The following EXOC4 variants were observed in gnomAD, a reference collection of about 807,000 sequenced individuals.
EXOC4 encodes SEC8-like 1.
In EXOC4, 71 loss-of-function variants were observed where a neutral mutation model predicts 107.2. That is an observed-to-expected ratio of 0.66 (90% CI 0.55 to 0.81). The LOEUF (loss-of-function observed/expected upper bound fraction) is 0.81, where lower values mean the gene tolerates loss of function less well. Among genes scored for constraint, EXOC4 ranks in the 30% least tolerant of loss-of-function variants. The pLI is 0.00. For missense variants in EXOC4, 1,108 were observed against 1,189.6 expected (o/e 0.93, Z 1.01); for synonymous variants, 456 against 441.2 (o/e 1.03, Z -0.42).
intron 11 of EXOC4, among the ~76,000 whole-genome samples, chr7:133,855,640 G>A (rs1798358862): frequency 6.6e-6 from 1 of 152,140 alleles, no homozygotes; most frequent in Non-Finnish European, 1.5e-5. Flanking sequence ...GAAAAACATA[G>A]TGTGTACCTT....
At chr7:133,929,177 C>T (rs893650932) in intron 13 of EXOC4, among the ~76,000 whole-genome samples, 4 of 151,986 alleles carry the variant, frequency 2.6e-5, no homozygotes, top group East Asian at 3.9e-4. Context: ...GTGATCTATT[C>T]GCCTTGGCCT....
At chr7:133,357,850 G>T (rs956762482) in intron 6 of EXOC4, among the ~76,000 whole-genome samples, 1 of 152,100 alleles carries the variant, frequency 6.6e-6, no homozygotes, top group African/African-American at 2.4e-5. Flanking sequence ...TATGTTTGGT[G>T]AATGGAACTA....
intron 10 of EXOC4, among the ~76,000 whole-genome samples, chr7:133,679,408 T>A (rs749818425): frequency 3.3e-5 from 5 of 152,176 alleles, no homozygotes; most frequent in Admixed American, 6.5e-5. Flanking sequence ...ACCTCCTCCC[T>A]CCATGATGTT....
chr7:133,797,041 T>C (rs1796832119), intron 10 of EXOC4, among the ~76,000 whole-genome samples: 1 of 152,318 alleles, frequency 6.6e-6, no homozygotes, highest in East Asian at 1.9e-4. Context: ...ACTAATCTGA[T>C]GATGTCTGTT....
intron 1 of EXOC4, 145 bp downstream of exon 1, chr7:133,253,332 C>T (rs1794936952): frequency 7.1e-7 from 1 of 1,409,076 alleles, no homozygotes. Context: ...TCTAACCCCT[C>T]CCCAGGGCCC....
At chr7:133,686,666 G>T (rs1019701829) in intron 10 of EXOC4, among the ~76,000 whole-genome samples, 1 of 152,002 alleles carries the variant, frequency 6.6e-6, no homozygotes, top group African/African-American at 2.4e-5. Context: ...ACCACAATGC[G>T]ATACCACCTT....
chr7:133,649,072 C>G (rs1803067688), intron 10 of EXOC4, among the ~76,000 whole-genome samples: 1 of 152,114 alleles, frequency 6.6e-6, no homozygotes, highest in Non-Finnish European at 1.5e-5. Flanking sequence ...GTCACCTTGG[C>G]TTTTAAATTT....
intron 1 of EXOC4, among the ~76,000 whole-genome samples, chr7:133,268,849 G>T (rs1280556552): frequency 1.3e-5 from 2 of 152,038 alleles, no homozygotes; most frequent in Non-Finnish European, 2.9e-5. Context: ...TCCTTCCTGG[G>T]AATTAATTAG....
intron 10 of EXOC4, among the ~76,000 whole-genome samples, chr7:133,681,308 T>C (rs1794181962): frequency 6.6e-6 from 1 of 152,172 alleles, no homozygotes; most frequent in Non-Finnish European, 1.5e-5. Flanking sequence ...GTGTTTCTCA[T>C]GTAAATAAAG....
chr7:133,408,821 A>G (rs2150742557), intron 7 of EXOC4, among the ~76,000 whole-genome samples: 1 of 152,324 alleles, frequency 6.6e-6, no homozygotes, highest in African/African-American at 2.4e-5. Flanking sequence ...TTTTCACAGA[A>G]TAATGACACC....
chr7:133,862,218 G>T (rs1033813560), intron 11 of EXOC4, among the ~76,000 whole-genome samples: 3 of 150,476 alleles, frequency 2.0e-5, no homozygotes. Context: ...TAGGTCGGGC[G>T]TGGTGGTTCA....
chr7:133,405,187 A>T (rs1436987390), intron 7 of EXOC4, among the ~76,000 whole-genome samples: 2 of 152,188 alleles, frequency 1.3e-5, no homozygotes, highest in Non-Finnish European at 2.9e-5. Context: ...TTAAAATCAT[A>T]CAACATTGAT....
chr7:133,640,539 T>C (rs1256907776), intron 10 of EXOC4, among the ~76,000 whole-genome samples: 1 of 152,204 alleles, frequency 6.6e-6, no homozygotes, highest in African/African-American at 2.4e-5. Context: ...TGATTTCTTA[T>C]CTTGTGGGGC....
At chr7:133,817,625 A>G in intron 11 of EXOC4, 81 bp downstream of exon 11, 8 of 1,037,746 alleles carry the variant, frequency 7.7e-6, no homozygotes, top group Non-Finnish European at 1.1e-5. Context: ...AAAAAGAAGA[A>G]TTACCATCTG....
In EXOC4 at chr7:133,833,033, A is replaced by T. The variant is rs571505786; in HGVS notation, c.1734+15489A>T. On this transcript the variant is annotated intron_variant, in intron 11 of 17. Coordinates refer to ENST00000253861, the MANE Select transcript of EXOC4 (RefSeq NM_021807.4). ...TATTTAGCAGTTCTTTCCAGGAAAAACACTCCCTTAACACACACATATGCA... is the reference window on the plus strand; with the variant it reads ...TATTTAGCAGTTCTTTCCAGGAAAATCACTCCCTTAACACACACATATGCA... Among the ~76,000 whole-genome samples, 10 of 152,186 alleles carry T rather than the reference A, an allele frequency of 6.6e-5. No homozygotes were observed. In the East Asian group the frequency reaches 9.7e-4, roughly 15 times the overall value.
At chr7:133,621,799 A>G (rs1043411446) in intron 9 of EXOC4, among the ~76,000 whole-genome samples, 8 of 152,192 alleles carry the variant, frequency 5.3e-5, no homozygotes, top group Non-Finnish European at 1.0e-4. Flanking sequence ...ATGGCAATCA[A>G]TGTGAGTTTT....
At position 133,616,263 on chromosome 7, in the gene EXOC4, G is replaced by A. The variant is rs532683515; in HGVS notation, c.1418-13782G>A. Among the ~76,000 whole-genome samples, 3 of 152,018 alleles carry A rather than the reference G, an allele frequency of 2.0e-5. 1 individual carries two copies. The highest frequency in any genetic ancestry group is 4.4e-5 in the Non-Finnish European group (3 of 67,958). On this transcript the variant is annotated intron_variant, in intron 9 of 17. Coordinates refer to ENST00000253861, the MANE Select transcript of EXOC4 (RefSeq NM_021807.4). ...TTGTAATAGCTTTGCTTGTAATTTT[G>A]TGTGTGCTCTTTTTTATACCCTTTT... is the stretch of plus-strand genomic sequence containing the variant.
chr7:133,772,079 CCCT>C (rs1388224012), intron 10 of EXOC4, among the ~76,000 whole-genome samples: 1 of 151,788 alleles, frequency 6.6e-6, no homozygotes, highest in African/African-American at 2.4e-5. Flanking sequence ...AGAAGTCACC[CCCT>C]CCTCATATTC....
At chr7:133,545,025 T>C (rs902327756) in intron 9 of EXOC4, among the ~76,000 whole-genome samples, 3 of 152,106 alleles carry the variant, frequency 2.0e-5, no homozygotes, top group African/African-American at 2.4e-5. Context: ...TGTGTGTATG[T>C]ATTTATGTGT....
Sources: allele counts gnomAD v4.1 joint callset (sites outside exome capture counted in the v4.1 genomes callset), GRCh38; gene constraint gnomAD v4.1.1; transcripts MANE v1.5; gene names NCBI Gene and HGNC (gene_info 2026-07-23, HGNC 2026-07-21).